Variants in DAPK1 observed in about 807,000 individuals in gnomAD.
DAPK1 encodes the protein death associated protein kinase 1.
Under a neutral mutation model 144.9 loss-of-function variants are expected in DAPK1, and 56 were observed. The observed-to-expected ratio is 0.39, with a 90% CI of 0.31 to 0.48. DAPK1 has a LOEUF of 0.48. Ranked by LOEUF, DAPK1 falls within the 20% of genes least tolerant of loss-of-function variation. The probability of loss-of-function intolerance (pLI) is 0.95; values close to 1 mark genes in which losing one functional copy is unlikely to be tolerated. For synonymous variants in DAPK1, 690 were observed against 749.0 expected (o/e 0.92, Z 1.29); for missense variants, 1,454 against 1,875.4 (o/e 0.78, Z 4.15).
At chr9:87,704,938 C>T (rs1001884903) in intron 25 of DAPK1, among the ~76,000 whole-genome samples, 3 of 152,020 alleles carry the variant, frequency 2.0e-5, no homozygotes, top group African/African-American at 7.2e-5. Flanking sequence ...TTTTTTGTCA[C>T]TTTTTTTTCC....
intron 3 of DAPK1, among the ~76,000 whole-genome samples, chr9:87,625,269 C>T (rs144809875): frequency 6.6e-6 from 1 of 152,310 alleles, no homozygotes; most frequent in Non-Finnish European, 1.5e-5. Context: ...GCAGGAACAG[C>T]AGCTTTCAGC....
intron 16 of DAPK1, 55 bp from the exon 17 acceptor site, chr9:87,651,472 C>A: frequency 6.4e-7 from 1 of 1,558,692 alleles, no homozygotes. Context: ...GGTGAAGAGA[C>A]GGAGGCCACA....
At chr9:87,623,510 T>G (rs1344313261) in intron 3 of DAPK1, among the ~76,000 whole-genome samples, 2 of 152,008 alleles carry the variant, frequency 1.3e-5, no homozygotes, top group Non-Finnish European at 1.5e-5. Context: ...CCCTGAAACA[T>G]AAGGTTTTTG....
intron 2 of DAPK1, among the ~76,000 whole-genome samples, chr9:87,564,517 C>T (rs967018512): frequency 2.7e-5 from 4 of 149,336 alleles, no homozygotes; most frequent in African/African-American, 9.8e-5. Flanking sequence ...AAGACCATGT[C>T]ACCAGCATCT....
intron 17 of DAPK1, among the ~76,000 whole-genome samples, chr9:87,654,374 T>C (rs533079505): frequency 4.6e-5 from 7 of 152,348 alleles, no homozygotes; most frequent in African/African-American, 1.7e-4. Flanking sequence ...ACAATGCCAG[T>C]AGGATTCTAG....
chr9:87,642,373 TAA>T (rs1225378846), intron 10 of DAPK1, among the ~76,000 whole-genome samples: 1 of 152,230 alleles, frequency 6.6e-6, no homozygotes, highest in Non-Finnish European at 1.5e-5. Context: ...ACATTTTAAA[TAA>T]ATTCATTCTT....
chr9:87,610,668 G>A (rs541821034), intron 3 of DAPK1, among the ~76,000 whole-genome samples: 1 of 152,330 alleles, frequency 6.6e-6, no homozygotes, highest in South Asian at 2.1e-4. Context: ...AATGAGGATG[G>A]TTGGCCTCCA....
chr9:87,637,976 T>G lies in DAPK1; in HGVS notation c.318T>G (p.Ala106=). ...VAGGELFDFL[A]EKESLTEEEA... ...GTGGCGAGCTGTTTGACTTCTTAGC[T>G]GAAAAGGAATCTTTAACTGAAGAGG... The change falls in exon 4 of 26, where the codon GCT becomes GCG. Residue 106 remains alanine (A), a synonymous_variant. Transcript: ENST00000408954. 1.2e-6 allele frequency: 2 copies of G among 1,614,160 alleles called. No individual in the cohort carries two copies. The highest frequency in any genetic ancestry group is 1.7e-6 in the Non-Finnish European group (2 of 1,179,994).
At chr9:87,540,186 T>C (rs1462223019) in intron 2 of DAPK1, among the ~76,000 whole-genome samples, 4 of 84,304 alleles carry the variant, frequency 4.7e-5, no homozygotes, top group African/African-American at 1.5e-4. Flanking sequence ...TTAATCTCTT[T>C]TTTTTTTTTT....
chr9:87,649,917 C>G lies in DAPK1; in HGVS notation c.1429-4C>G, dbSNP rs1016971177. 6.2e-7 allele frequency: 1 copy of G among 1,614,014 alleles called. No homozygotes were observed. Among genetic ancestry groups the G allele is most frequent in the African/African-American group, 1.3e-5 (1 of 75,062 alleles). On this transcript the variant is annotated splice_region_variant and splice_polypyrimidine_tract_variant and intron_variant, in intron 15 of 25. Transcript: ENST00000408954. ...CTCCTCTCTGTACTCGTCTCCTTGG[C>G]CAGGAAGAAGAAACCCCCCTGCACT...
At chr9:87,683,089 T>A (rs10868647) in intron 20 of DAPK1, among the ~76,000 whole-genome samples, 13,169 of 54,366 alleles carry the variant, frequency 0.24, 1,778 homozygotes, top group African/African-American at 0.44. Flanking sequence ...TTATTTATTT[T>A]TTTTTTTTTT....
intron 17 of DAPK1, 67 bp downstream of exon 17, chr9:87,651,791 T>C: frequency 7.1e-7 from 1 of 1,406,028 alleles, no homozygotes; most frequent in African/African-American, 1.4e-5. Flanking sequence ...TGGGTCCTGA[T>C]TCTGTGTCCT....
intron 19 of DAPK1, among the ~76,000 whole-genome samples, chr9:87,680,212 C>T (rs1362452977): frequency 6.6e-6 from 1 of 152,178 alleles, no homozygotes; most frequent in African/African-American, 2.4e-5. Context: ...TCACACCATT[C>T]TCCTGCCTCA....
chr9:87,507,710 A>G (rs1035123022), intron 2 of DAPK1, among the ~76,000 whole-genome samples: 5 of 152,172 alleles, frequency 3.3e-5, no homozygotes, highest in African/African-American at 1.2e-4. Flanking sequence ...GAGCAAATGA[A>G]TGCTTGTAAA....
intron 25 of DAPK1, among the ~76,000 whole-genome samples, chr9:87,704,863 C>T (rs993469145): frequency 3.3e-5 from 5 of 152,178 alleles, no homozygotes; most frequent in African/African-American, 1.2e-4. Flanking sequence ...GTGAGGGAGT[C>T]CAGGGCGATG....
intron 17 of DAPK1, among the ~76,000 whole-genome samples, chr9:87,656,865 G>T (rs1290520498): frequency 1.3e-5 from 2 of 152,186 alleles, no homozygotes; most frequent in Non-Finnish European, 2.9e-5. Context: ...ATAGATAAGA[G>T]CTTGGGAGGA....
intron 2 of DAPK1, among the ~76,000 whole-genome samples, chr9:87,594,116 T>A (rs1253270375): frequency 6.6e-6 from 1 of 152,234 alleles, no homozygotes; most frequent in Non-Finnish European, 1.5e-5. Context: ...AGTTCAGCTA[T>A]GATTCTGATG....
intron 19 of DAPK1, among the ~76,000 whole-genome samples, chr9:87,669,289 T>G (rs1319883312): frequency 1.3e-5 from 2 of 152,068 alleles, no homozygotes; most frequent in African/African-American, 4.8e-5. Flanking sequence ...TAGAATGGCT[T>G]TGGCCTTTTA....
intron 3 of DAPK1, 66 bp from the exon 4 acceptor site, chr9:87,637,877 T>A (rs1413003747): frequency 6.4e-7 from 1 of 1,561,404 alleles, no homozygotes; most frequent in African/African-American, 1.4e-5. Flanking sequence ...GCACCAATAG[T>A]CTATGAGAGA....
Sources: gnomAD v4.1 joint callset for allele counts (sites outside exome capture counted in the v4.1 genomes callset) on GRCh38, gnomAD v4.1.1 for gene constraint, MANE v1.5 for transcripts, NCBI Gene and HGNC (gene_info 2026-07-23, HGNC 2026-07-21) for gene names.